Variants in XRCC4 observed in about 807,000 individuals in gnomAD.
XRCC4 encodes the protein DNA repair protein XRCC4.
In XRCC4, 28 loss-of-function variants were observed where a neutral mutation model predicts 39.1. The observed-to-expected ratio is 0.72, with a 90% CI of 0.53 to 0.98. The LOEUF is 0.98. Ranked by LOEUF, XRCC4 falls within the 50% of genes least tolerant of loss-of-function variation. XRCC4 has a pLI of 0.00. For synonymous variants in XRCC4, 123 were observed against 126.4 expected, an observed-to-expected ratio of 0.97 and a Z score of 0.18; for missense variants, 350 against 376.4, an observed-to-expected ratio of 0.93 and a Z score of 0.58.
At position 83,353,329 on chromosome 5, in the gene XRCC4, C is replaced by G. The variant is rs959721977; in HGVS notation, c.*87C>G. 4.0e-6 allele frequency: 4 copies of G among 1,004,546 alleles called. No individual in the cohort carries two copies. Among genetic ancestry groups the G allele is most frequent in the Admixed American group, 5.1e-5 (2 of 39,466 alleles). 62.2% of individuals were successfully genotyped at this position (1,004,546 alleles called of 1,614,324 possible). ...AAAAAGGAGAATTTCAAGTCAGCAG[C>G]CGCTATTACCGTATCTTACAATTTA... On this transcript the variant is annotated 3_prime_UTR_variant, in exon 8 of 8. Coordinates refer to ENST00000396027, the MANE Select transcript of XRCC4 (RefSeq NM_003401.5).
chr5:83,359,030 C>G, the XRCC4 span, among the ~76,000 whole-genome samples: 2 of 151,690 alleles, frequency 1.3e-5, no homozygotes, highest in Non-Finnish European at 2.9e-5. Context: ...AAAGGAAAAG[C>G]CTTTATCCAT....
At chr5:83,209,888 T>A (rs1751574138) in intron 6 of XRCC4, among the ~76,000 whole-genome samples, 1 of 152,144 alleles carries the variant, frequency 6.6e-6, no homozygotes, top group Non-Finnish European at 1.5e-5. Context: ...CTACCACTTT[T>A]CTACATAATT....
intron 3 of XRCC4, among the ~76,000 whole-genome samples, chr5:83,165,575 C>G (rs1188647589): frequency 6.6e-6 from 1 of 152,012 alleles, no homozygotes; most frequent in Non-Finnish European, 1.5e-5. Flanking sequence ...ATTTCACCAC[C>G]CATGTATTAA....
intron 6 of XRCC4, among the ~76,000 whole-genome samples, chr5:83,235,603 G>A (rs557477576): frequency 2.0e-4 from 30 of 152,116 alleles, no homozygotes; most frequent in Non-Finnish European, 4.0e-4. Flanking sequence ...CCCACAGCTG[G>A]TATCATACTG....
chr5:83,078,082 C>T (rs1744751839), intron 1 of XRCC4, among the ~76,000 whole-genome samples: 1 of 152,192 alleles, frequency 6.6e-6, no homozygotes, highest in Non-Finnish European at 1.5e-5. Context: ...AAAGAACTTT[C>T]TGTGGTAACC....
At chr5:83,231,202 C>G (rs1752482981) in intron 6 of XRCC4, among the ~76,000 whole-genome samples, 1 of 151,938 alleles carries the variant, frequency 6.6e-6, no homozygotes, top group Admixed American at 6.6e-5. Flanking sequence ...ATTCTGGAAG[C>G]TGTATATATG....
chr5:83,147,107 T>C (rs1225830467), intron 3 of XRCC4, among the ~76,000 whole-genome samples: 1 of 152,150 alleles, frequency 6.6e-6, no homozygotes, highest in African/African-American at 2.4e-5. Context: ...ATCTGAACCT[T>C]AGTATCATCG....
At chr5:83,139,682 A>T (rs546480826) in intron 3 of XRCC4, among the ~76,000 whole-genome samples, 2 of 152,214 alleles carry the variant, frequency 1.3e-5, no homozygotes, top group Admixed American at 1.3e-4. Context: ...GATATATAGT[A>T]TGTATAGCCT....
chr5:83,158,589 G>T (rs1749065048), intron 3 of XRCC4, among the ~76,000 whole-genome samples: 1 of 152,028 alleles, frequency 6.6e-6, no homozygotes, highest in Non-Finnish European at 1.5e-5. Flanking sequence ...AAGTGAGGAG[G>T]AAGTAATTCA....
At chr5:83,269,787 A>G (rs1465538778) in intron 7 of XRCC4, among the ~76,000 whole-genome samples, 1 of 152,058 alleles carries the variant, frequency 6.6e-6, no homozygotes, top group African/African-American at 2.4e-5. Context: ...AAATGGTACT[A>G]CATCTGTACC....
At chr5:83,370,204 T>C in the XRCC4 span, among the ~76,000 whole-genome samples, 14 of 152,250 alleles carry the variant, frequency 9.2e-5, no homozygotes, top group East Asian at 2.5e-3. Context: ...TAAATCATAT[T>C]ATTGAGAACT....
At chr5:83,129,126 T>G (rs1484953489) in intron 3 of XRCC4, among the ~76,000 whole-genome samples, 1 of 151,670 alleles carries the variant, frequency 6.6e-6, no homozygotes, top group Non-Finnish European at 1.5e-5. Flanking sequence ...GTTTAAGTCT[T>G]TAATCCATCT....
chr5:83,356,204 G>A (rs1043498722), downstream of XRCC4, among the ~76,000 whole-genome samples: 1 of 152,010 alleles, frequency 6.6e-6, no homozygotes, highest in Non-Finnish European at 1.5e-5. Flanking sequence ...GATTTACCCT[G>A]TATCTTTCCA....
chr5:83,304,313 A>G (rs1330357502), intron 7 of XRCC4, among the ~76,000 whole-genome samples: 1 of 151,102 alleles, frequency 6.6e-6, no homozygotes, highest in African/African-American at 2.4e-5. Flanking sequence ...AGGTGGGATT[A>G]CAGGAGTGCC....
At chr5:83,366,219 C>T in the XRCC4 span, among the ~76,000 whole-genome samples, 1 of 152,162 alleles carries the variant, frequency 6.6e-6, no homozygotes. Context: ...GTGCTATAGG[C>T]ACATTTCCTA....
At chr5:83,241,996 T>G (rs1047180547) in intron 6 of XRCC4, among the ~76,000 whole-genome samples, 1 of 151,442 alleles carries the variant, frequency 6.6e-6, no homozygotes, top group Admixed American at 6.6e-5. Flanking sequence ...GAAGGGTTGG[T>G]CTTGCTGTCT....
chr5:83,124,744 A>C (rs1747177667), intron 3 of XRCC4, among the ~76,000 whole-genome samples: 1 of 152,046 alleles, frequency 6.6e-6, no homozygotes, highest in African/African-American at 2.4e-5. Flanking sequence ...TTTGTGCTAC[A>C]ATGGCAAAGT....
intron 3 of XRCC4, among the ~76,000 whole-genome samples, chr5:83,160,032 C>G (rs1363828062): frequency 2.0e-5 from 3 of 152,082 alleles, no homozygotes; most frequent in Non-Finnish European, 4.4e-5. Context: ...TCTTAGTTTT[C>G]AAGACCCTGC....
intron 6 of XRCC4, among the ~76,000 whole-genome samples, chr5:83,220,459 A>G (rs556696850): frequency 1.8e-4 from 28 of 152,302 alleles, no homozygotes; most frequent in African/African-American, 6.7e-4. Flanking sequence ...AAGGATAGAC[A>G]AGGTTACCAA....
Sources: gnomAD v4.1 joint callset for allele counts (sites outside exome capture counted in the v4.1 genomes callset) on GRCh38, gnomAD v4.1.1 for gene constraint, MANE v1.5 for transcripts, NCBI Gene and HGNC (gene_info 2026-07-23, HGNC 2026-07-21) for gene names.